Variants in GSAP observed in about 807,000 individuals in gnomAD.
The protein encoded by GSAP is gamma-secretase-activating protein.
In GSAP, 118 loss-of-function variants were observed where a neutral mutation model predicts 131.7. The ratio of observed to expected loss-of-function variants is 0.90; its 90% CI spans 0.77 to 1.04. The LOEUF (loss-of-function observed/expected upper bound fraction) is 1.04, where lower values mean the gene tolerates loss of function less well. Ranked by LOEUF, GSAP falls within the 50% of genes least tolerant of loss-of-function variation. The pLI, the probability that GSAP is intolerant of heterozygous loss-of-function variation, is 0.00. For synonymous variants in GSAP, 381 were observed against 363.4 expected (o/e 1.05, Z -0.55); for missense variants, 1,019 against 1,013.2 (o/e 1.01, Z -0.08).
chr7:77,318,921 T>TG (rs1453636377), intron 26 of GSAP, among the ~76,000 whole-genome samples: 4 of 60,096 alleles, frequency 6.7e-5, no homozygotes, highest in Non-Finnish European at 1.2e-4. Context: ...TGTTGTGGGG[T>TG]GGGGGGAGGG....
chr7:77,366,321 T>G (rs1795302792), intron 12 of GSAP, among the ~76,000 whole-genome samples: 1 of 152,178 alleles, frequency 6.6e-6, no homozygotes, highest in Non-Finnish European at 1.5e-5. Flanking sequence ...TTCCTATGAC[T>G]AGGATGGTAT....
At position 77,381,352 on chromosome 7, in the gene GSAP, T is replaced by C. The variant is rs1372485101; in HGVS notation, c.529A>G (p.Ile177Val). 3 of 1,500,166 alleles carry C rather than the reference T, an allele frequency of 2.0e-6. No individual in the cohort carries two copies. The highest frequency in any genetic ancestry group is 1.4e-5 in the African/African-American group (1 of 70,390). 92.9% of individuals were successfully genotyped at this position (1,500,166 alleles called of 1,614,324 possible). Residue 177 changes from isoleucine (I) to valine (V), a missense_variant and splice_region_variant, in exon 8 of 31, where the codon ATT becomes GTT. Physicochemically the swap from Ile to Val is conservative, Grantham distance 29. Coordinates refer to ENST00000257626, the MANE Select transcript of GSAP (RefSeq NM_017439.4). ...GCGACATGGATACGAAATTGTTCAA[T>C]ATCTTTAAAAGAAAAACAAAGAAAG... ...HLLLISEEKYIEQFRIHVAQE... is the reference protein window; with the variant it reads ...HLLLISEEKYVEQFRIHVAQE...
chr7:77,383,483 G>A (rs1281112417), intron 6 of GSAP, among the ~76,000 whole-genome samples: 1 of 152,276 alleles, frequency 6.6e-6, no homozygotes, highest in East Asian at 1.9e-4. Flanking sequence ...AGAAAGAACA[G>A]TGAGTCATGG....
At chr7:77,361,168 C>A (rs1264136061) in intron 13 of GSAP, among the ~76,000 whole-genome samples, 2 of 152,184 alleles carry the variant, frequency 1.3e-5, no homozygotes, top group African/African-American at 4.8e-5. Context: ...AGGAGAGGAT[C>A]TGAAGGAATT....
At chr7:77,416,367 G>A, upstream of GSAP, 3 of 1,125,822 alleles carry the variant, frequency 2.7e-6, no homozygotes, top group Non-Finnish European at 2.4e-6. Context: ...CGCACCGCGG[G>A]CATTCCCGGC....
In GSAP at chr7:77,355,445, A is replaced by C. The variant is rs370211374; in HGVS notation, c.1121-15T>G. ...TTCATTATTTCCTGGCAAAAAAAAA[A>C]AAAACAGTAGATCAGCAAATAGAAG... On this transcript the variant is annotated splice_polypyrimidine_tract_variant and intron_variant, in intron 15 of 30. Coordinates refer to ENST00000257626, the MANE Select transcript of GSAP (RefSeq NM_017439.4). The C allele has an allele frequency of 2.5e-6, 4 of 1,577,356 alleles. No individual in the cohort carries two copies. Among genetic ancestry groups the C allele is most frequent in the African/African-American group, 1.4e-5 (1 of 72,900 alleles).
intron 20 of GSAP, chr7:77,329,639 TAGAG>T (rs141362429): frequency 7.7e-6 from 2 of 258,966 alleles, no homozygotes; most frequent in Non-Finnish European, 1.5e-5. Context: ...GCAGCGATAC[TAGAG>T]AGAGATGCAA....
Position 77,311,262 on chromosome 7 carries a change from G to A in GSAP, c.*96C>T. Reference sequence around the variant, plus strand: ...AAACAATTATGGCTAAACTATTTTTGTTACCAATTTTAAATATTGTTAAAG... The same window carrying A: ...AAACAATTATGGCTAAACTATTTTTATTACCAATTTTAAATATTGTTAAAG... On this transcript the variant is annotated 3_prime_UTR_variant, in exon 31 of 31. Transcript: ENST00000257626. 1.3e-6 allele frequency: 1 copy of A among 797,818 alleles called. No homozygotes were observed. The highest frequency in any genetic ancestry group is 1.5e-5 in the South Asian group (1 of 66,000). The allele number at this position is 797,818 out of a possible 1,614,324, so 49.4% of individuals were successfully genotyped here.
At chr7:77,329,659 C>G in intron 20 of GSAP, 1 of 240,438 alleles carries the variant, frequency 4.2e-6, no homozygotes, top group Non-Finnish European at 8.0e-6. Context: ...TGCAATGTAC[C>G]CTCCACCCAG....
At position 77,404,557 on chromosome 7, in the gene GSAP, A is replaced by G. The variant is rs760803875; in HGVS notation, c.243+2T>C. The G allele has an allele frequency of 4.0e-6, 6 of 1,510,234 alleles. No homozygotes were observed. Among genetic ancestry groups the G allele is most frequent in the Non-Finnish European group, 5.5e-6 (6 of 1,088,090 alleles). The allele number at this position is 1,510,234 out of a possible 1,614,324, so 93.6% of individuals were successfully genotyped here. ...AACCAATGAGTAATCTATGATTTTT[A>G]CCTCATTTTGTCTGGTTTGACAATC... On this transcript the variant is annotated splice_donor_variant, in intron 3 of 30. Coordinates refer to ENST00000257626, the MANE Select transcript of GSAP (RefSeq NM_017439.4). LOFTEE classifies it high-confidence loss of function.
intron 22 of GSAP, chr7:77,326,683 A>G (rs11980285): frequency 0.19 from 30,258 of 157,022 alleles, 3,136 homozygotes; most frequent in Non-Finnish European, 0.2. Context: ...GTAGTTCAGT[A>G]GCCTTGGGAG....
At position 77,382,671 on chromosome 7, in the gene GSAP, TA is replaced by T. The variant is rs1797977391; in HGVS notation, c.457-29del. On this transcript the variant is annotated intron_variant, in intron 6 of 30. Transcript: ENST00000257626. Reference sequence around the variant, plus strand: ...GTAAAAAAGAAATTAATCATAATTGTAAGCAACTATCTTGCTTGAACAAGTA... The same window carrying T: ...GTAAAAAAGAAATTAATCATAATTGTAGCAACTATCTTGCTTGAACAAGTA... 5 of 1,203,586 alleles carry T rather than the reference TA, an allele frequency of 4.2e-6. No individual in the cohort carries two copies. The South Asian group carries it at 6.1e-5, about 15-fold the overall frequency. The allele number at this position is 1,203,586 out of a possible 1,614,324, so 74.6% of individuals were successfully genotyped here.
chr7:77,387,414 G>A lies in GSAP; in HGVS notation c.402C>T (p.His134=). 1 of 1,605,648 alleles carries A rather than the reference G, an allele frequency of 6.2e-7. No homozygotes were observed. The highest frequency in any genetic ancestry group is 2.2e-5 in the East Asian group (1 of 44,816). The change falls in exon 6 of 31, where the codon CAC becomes CAT. Residue 134 remains histidine, a synonymous_variant. Coordinates refer to ENST00000257626, the MANE Select transcript of GSAP (RefSeq NM_017439.4). ...SKCLTLLVEI[H]PVNNVKVLKA... ...TTAGAACCTTCACATTGTTAACAGGGTGGATTTCAACCAACAAAGTCAAGC... is the reference window on the plus strand; with the variant it reads ...TTAGAACCTTCACATTGTTAACAGGATGGATTTCAACCAACAAAGTCAAGC...
rs146975480 is a variant in GSAP at position 77,376,902 on chromosome 7, T to G, written c.687A>C (p.Ser229=). 385 of 1,448,704 alleles carry G rather than the reference T, an allele frequency of 2.7e-4. No individual in the cohort carries two copies. Among genetic ancestry groups the G allele is most frequent in the Non-Finnish European group, 3.4e-4 (364 of 1,058,576 alleles). The allele number at this position is 1,448,704 out of a possible 1,614,324, so 89.7% of individuals were successfully genotyped here. The change falls in exon 10 of 31, where the codon TCA becomes TCC. Residue 229 remains serine, a synonymous_variant. Coordinates refer to ENST00000257626, the MANE Select transcript of GSAP (RefSeq NM_017439.4). The stretch of plus-strand genomic sequence containing the variant: ...ACTGGATACATTTTAAGATACTCCT[T>G]GATTTCTAAAAGAGAAAACAGAATG... The part of the protein sequence containing the change: ...QRLYYIDLKK[S]RSILKCIQFY...
chr7:77,362,762 C>A, intron 12 of GSAP, 102 bp from the exon 13 acceptor site: 1 of 664,644 alleles, frequency 1.5e-6, no homozygotes, highest in South Asian at 1.9e-5. Context: ...GATGTCCTGT[C>A]TCATCTTACC....
intron 5 of GSAP, among the ~76,000 whole-genome samples, chr7:77,390,105 A>G (rs1799235455): frequency 6.6e-6 from 1 of 152,200 alleles, no homozygotes; most frequent in Non-Finnish European, 1.5e-5. Context: ...GTCTGTTCAT[A>G]TCCTTCGCCC....
chr7:77,380,141 A>C (rs1285557730), intron 8 of GSAP: 1 of 155,572 alleles, frequency 6.4e-6, no homozygotes, highest in African/African-American at 2.4e-5. Flanking sequence ...AATAGCCAGT[A>C]AGCTTAGGAG....
intron 1 of GSAP, among the ~76,000 whole-genome samples, chr7:77,408,159 G>A (rs1228257231): frequency 6.6e-6 from 1 of 152,170 alleles, no homozygotes; most frequent in Non-Finnish European, 1.5e-5. Context: ...TTCACTTGGT[G>A]AAAATTAACT....
chr7:77,344,298 G>A (rs1320740285), intron 19 of GSAP, among the ~76,000 whole-genome samples: 7 of 152,128 alleles, frequency 4.6e-5, no homozygotes, highest in Admixed American at 4.6e-4. Flanking sequence ...AAGGTAAAAT[G>A]GACTAATGGT....
Sources: gnomAD v4.1 joint callset for allele counts (sites outside exome capture counted in the v4.1 genomes callset) on GRCh38, gnomAD v4.1.1 for gene constraint, MANE v1.5 for transcripts, NCBI Gene and HGNC (gene_info 2026-07-23, HGNC 2026-07-21) for gene names.